Variants in RNF10 observed in about 807,000 individuals in gnomAD.
RNF10 encodes E3 ubiquitin-protein ligase RNF10.
A neutral mutation model predicts 91.4 loss-of-function variants in RNF10; 38 were observed. That is an observed-to-expected ratio of 0.42 (90% CI 0.32 to 0.54). The LOEUF is 0.54. Among genes scored for constraint, RNF10 ranks in the 20% least tolerant of loss-of-function variants. RNF10 has a pLI of 0.16. For synonymous variants in RNF10, 364 were observed against 366.3 expected (o/e 0.99, Z 0.07); for missense variants, 945 against 1,012.0 (o/e 0.93, Z 0.90).
rs1565967856 is a variant in RNF10 at position 120,566,844 on chromosome 12, C to T, written c.1905C>T (p.Pro635=). Residue 635 remains proline, a synonymous_variant, in exon 13 of 17, where the codon CCC becomes CCT. Coordinates refer to ENST00000325954, the MANE Select transcript of RNF10 (RefSeq NM_014868.5). ...KQGKYPEVHI[P]LENLQQFPAF... Reference sequence around the variant, plus strand: ...TTGCAGACCCAGAAGTCCACATTCCCCTCGAGAATCTACAGCAGTTTCCTG... The same window carrying T: ...TTGCAGACCCAGAAGTCCACATTCCTCTCGAGAATCTACAGCAGTTTCCTG... 2 of 1,613,788 alleles carry T rather than the reference C, an allele frequency of 1.2e-6. No homozygotes were observed. The highest frequency in any genetic ancestry group is 1.7e-6 in the Non-Finnish European group (2 of 1,179,856).
intron 11 of RNF10, 50 bp from the exon 12 acceptor site, chr12:120,565,378 A>G (rs1875540469): frequency 3.9e-6 from 6 of 1,541,440 alleles, no homozygotes; most frequent in Non-Finnish European, 4.5e-6. Context: ...GGAGGAGGTA[A>G]TGACCATGTT....
Position 120,571,265 on chromosome 12 carries a change from G to T in RNF10, c.2116G>T (p.Asp706Tyr). 2 of 1,614,008 alleles carry T rather than the reference G, an allele frequency of 1.2e-6. No homozygotes were observed. The highest frequency in any genetic ancestry group is 2.2e-5 in the South Asian group (2 of 91,080). ...ATTCTGCGTTGGGAGTCTGGAAGAA[G>T]ACTCTCCCTTCCCTTCCTTTGCCCA... ...PSFCVGSLEEDSPFPSFAQML... is the reference protein window; with the variant it reads ...PSFCVGSLEEYSPFPSFAQML... The change falls in exon 14 of 17, where the codon GAC (aspartate) becomes TAC (tyrosine). Residue 706 changes from aspartate (D) to tyrosine (Y), a missense_variant. Coordinates refer to ENST00000325954, the MANE Select transcript of RNF10 (RefSeq NM_014868.5).
At chr12:120,563,180 TA>T in intron 8 of RNF10, 110 bp downstream of exon 8, 1 of 1,518,628 alleles carries the variant, frequency 6.6e-7, no homozygotes, top group Non-Finnish European at 9.1e-7. Context: ...GGACAATGAG[TA>T]TTTTCTGTAT....
Position 120,575,817 on chromosome 12 carries a change from C to T in RNF10, c.2226C>T (p.Ala742=). Residue 742 remains alanine (A), a synonymous_variant, in exon 16 of 17, where the codon GCC becomes GCT. Transcript: ENST00000325954. ...ATGAGAACAGCTTAGTTCCTCCTGCCCCTGTGGACAGCGACGGGGAGAGTG... is the reference window on the plus strand; with the variant it reads ...ATGAGAACAGCTTAGTTCCTCCTGCTCCTGTGGACAGCGACGGGGAGAGTG... ...KKDENSLVPP[A]PVDSDGESDN... is the part of the protein sequence containing the mutation. 3 of 1,614,160 alleles carry T rather than the reference C, an allele frequency of 1.9e-6. No individual in the cohort carries two copies. Among genetic ancestry groups the T allele is most frequent in the Non-Finnish European group, 2.5e-6 (3 of 1,180,022 alleles).
In RNF10 at chr12:120,552,587, T is replaced by A; in HGVS notation, c.443T>A (p.Phe148Tyr). ...CTGAACCACTTGTTGAATTTCACTT[T>A]TGAACCCCGTGGCCAGACGGGTCAC... ...INLNHLLNFT[F>Y]EPRGQTGHFE... Residue 148 changes from phenylalanine (F) to tyrosine (Y), a missense_variant, in exon 3 of 17, where the codon TTT (phenylalanine) becomes TAT (tyrosine). Phe to Tyr is a conservative substitution (Grantham distance 22). Coordinates refer to ENST00000325954, the MANE Select transcript of RNF10 (RefSeq NM_014868.5). 1 of 1,614,212 alleles carries A rather than the reference T, an allele frequency of 6.2e-7. No individual in the cohort carries two copies. The highest frequency in any genetic ancestry group is 1.3e-5 in the African/African-American group (1 of 75,062).
chr12:120,555,942 CTAT>C, intron 4 of RNF10, among the ~76,000 whole-genome samples: 1 of 151,988 alleles, frequency 6.6e-6, no homozygotes, highest in Non-Finnish European at 1.5e-5. Flanking sequence ...GCGTGCACCA[CTAT>C]GCCTGGCTAA....
intron 1 of RNF10, among the ~76,000 whole-genome samples, chr12:120,542,475 G>T (rs1871713953): frequency 6.6e-6 from 1 of 152,158 alleles, no homozygotes. Context: ...CTTTCTAATT[G>T]TTACTACTAG....
intron 6 of RNF10, among the ~76,000 whole-genome samples, chr12:120,559,065 A>AT (rs973404407): frequency 3.5e-4 from 18 of 51,210 alleles, no homozygotes; most frequent in Non-Finnish European, 6.9e-4. Flanking sequence ...ATTTTAAATT[A>AT]TTTTTTTTAT....
intron 8 of RNF10, 42 bp from the exon 9 acceptor site, chr12:120,563,305 C>A: frequency 6.4e-7 from 1 of 1,571,514 alleles, no homozygotes; most frequent in Non-Finnish European, 8.6e-7. Flanking sequence ...TTTCGGAAAG[C>A]AGGAGATATC....
chr12:120,577,436 G>T lies in RNF10; in HGVS notation c.*770G>T. 1 of 286,810 alleles carries T rather than the reference G, an allele frequency of 3.5e-6. No individual in the cohort carries two copies. Among genetic ancestry groups the T allele is most frequent in the South Asian group, 2.7e-5 (1 of 36,614 alleles). The allele number at this position is 286,810 out of a possible 1,614,324, so 17.8% of individuals were successfully genotyped here. On this transcript the variant is annotated 3_prime_UTR_variant, in exon 17 of 17. Coordinates refer to ENST00000325954, the MANE Select transcript of RNF10 (RefSeq NM_014868.5). Reference sequence around the variant, plus strand: ...GAGAGCAGGGCCATCTGAAGCGGTAGCATTGCCACCATCTCCCTCTCATCT... The same window carrying T: ...GAGAGCAGGGCCATCTGAAGCGGTATCATTGCCACCATCTCCCTCTCATCT...
At chr12:120,552,464 A>T (rs1873252264) in intron 2 of RNF10, 35 bp from the exon 3 acceptor site, 1 of 1,565,822 alleles carries the variant, frequency 6.4e-7, no homozygotes, top group African/African-American at 1.4e-5. Context: ...GTGTCATCCT[A>T]ATCTGAAATA....
At chr12:120,572,231 T>C (rs1266890543) in intron 14 of RNF10, among the ~76,000 whole-genome samples, 1 of 151,240 alleles carries the variant, frequency 6.6e-6, no homozygotes, top group Non-Finnish European at 1.5e-5. Flanking sequence ...CACGCCCGGC[T>C]AATTTTTTGT....
intron 13 of RNF10, 49 bp downstream of exon 13, chr12:120,567,029 A>G (rs1415089324): frequency 6.4e-7 from 1 of 1,564,980 alleles, no homozygotes; most frequent in Non-Finnish European, 8.6e-7. Context: ...GACCTTATGC[A>G]AAGCTTTGGT....
At chr12:120,564,032 C>G in intron 10 of RNF10, 89 bp downstream of exon 10, 7 of 1,427,022 alleles carry the variant, frequency 4.9e-6, no homozygotes, top group Non-Finnish European at 6.8e-6. Context: ...GTTCACAAAC[C>G]TTCAAGGCCT....
At chr12:120,569,078 C>G (rs1020218618) in intron 13 of RNF10, among the ~76,000 whole-genome samples, 3 of 152,172 alleles carry the variant, frequency 2.0e-5, no homozygotes, top group Admixed American at 6.5e-5. Context: ...TCAAGCGATT[C>G]TCCTGCCTCA....
chr12:120,534,950 G>A lies in RNF10; in HGVS notation c.139G>A (p.Glu47Lys). 2.5e-6 allele frequency: 4 copies of A among 1,600,948 alleles called. No homozygotes were observed. Among genetic ancestry groups the A allele is most frequent in the Non-Finnish European group, 3.4e-6 (4 of 1,179,076 alleles). ...CTCCGCCTCGGCGGGGCCAGCCGGC[G>A]AGTCTAAACCCAAGAGCGGTAAGGA... is the stretch of plus-strand genomic sequence containing the variant. Reference protein sequence around the residue: ...PRSASAGPAGESKPKSDGKNS... With the variant: ...PRSASAGPAGKSKPKSDGKNS... Residue 47 changes from glutamate (E) to lysine (K), a missense_variant, in exon 1 of 17, where the codon GAG becomes AAG. Transcript: ENST00000325954.
chr12:120,536,795 A>G (rs938284844), intron 1 of RNF10, among the ~76,000 whole-genome samples: 2 of 152,166 alleles, frequency 1.3e-5, no homozygotes, highest in Non-Finnish European at 2.9e-5. Context: ...TTCTCAACTA[A>G]TTTTTCTGGG....
intron 1 of RNF10, among the ~76,000 whole-genome samples, chr12:120,544,260 T>A (rs533198164): frequency 6.6e-6 from 1 of 151,028 alleles, no homozygotes; most frequent in East Asian, 1.9e-4. Flanking sequence ...TGGTGGTTCA[T>A]GCCTTTAATC....
At position 120,555,702 on chromosome 12, in the gene RNF10, G is replaced by A. The variant is rs113372731; in HGVS notation, c.645+894G>A. ...GTAGAGATGGGGTTTCTCCATGTTGGTCAGGCTGGTCTTGAATTCCTGACC... is the reference window on the plus strand; with the variant it reads ...GTAGAGATGGGGTTTCTCCATGTTGATCAGGCTGGTCTTGAATTCCTGACC... On this transcript the variant is annotated intron_variant, in intron 4 of 16. Coordinates refer to ENST00000325954, the MANE Select transcript of RNF10 (RefSeq NM_014868.5). Among the ~76,000 whole-genome samples, 408 of 151,204 alleles carry A rather than the reference G, an allele frequency of 2.7e-3. 2 individuals carry two copies. Among genetic ancestry groups the A allele is most frequent in the African/African-American group, 9.6e-3 (394 of 41,108 alleles).
Sources: allele counts gnomAD v4.1 joint callset (sites outside exome capture counted in the v4.1 genomes callset), GRCh38; gene constraint gnomAD v4.1.1; transcripts MANE v1.5; gene names NCBI Gene and HGNC (gene_info 2026-07-23, HGNC 2026-07-21).